The following NELL1 variants were observed in gnomAD, a reference collection of about 807,000 sequenced individuals.
The protein encoded by NELL1 is protein kinase C-binding protein NELL1.
In NELL1, 76 loss-of-function variants were observed where a neutral mutation model predicts 107.4. The observed-to-expected ratio is 0.71, with a 90% CI of 0.59 to 0.86. The LOEUF is 0.86. Ranked by LOEUF, NELL1 falls within the 40% of genes least tolerant of loss-of-function variation. NELL1 has a pLI of 0.00. For missense variants in NELL1, 1,024 were observed against 1,005.5 expected (o/e 1.02, Z -0.25); for synonymous variants, 353 against 341.2 (o/e 1.03, Z -0.38).
At position 20,863,339 on chromosome 11, in the gene NELL1, G is replaced by A. The variant is rs1029258441; in HGVS notation, c.506+15586G>A. On this transcript the variant is annotated intron_variant, in intron 4 of 19. Coordinates refer to ENST00000357134, the MANE Select transcript of NELL1 (RefSeq NM_006157.5). ...AGGGGCTGTTCTCCACCTCCCTCCC[G>A]GACGGGGCGGCTGGCCGGGCGGGGG... Among the ~76,000 whole-genome samples the A allele has an allele frequency of 8.7e-4, 59 of 68,062 alleles. 8 individuals are homozygous for A. The highest frequency in any genetic ancestry group is 1.9e-3 in the Non-Finnish European group (46 of 24,076). The allele number at this position is 68,062 out of a possible 152,430, so 44.7% of individuals were successfully genotyped here.
chr11:21,093,844 A>C (rs1854577905), intron 12 of NELL1, among the ~76,000 whole-genome samples: 1 of 152,108 alleles, frequency 6.6e-6, no homozygotes, highest in Admixed American at 6.6e-5. Flanking sequence ...TGGGTCCTTC[A>C]CACAACACAT....
At chr11:21,044,880 G>C (rs1037046130) in intron 12 of NELL1, among the ~76,000 whole-genome samples, 2 of 152,144 alleles carry the variant, frequency 1.3e-5, no homozygotes, top group African/African-American at 4.8e-5. Context: ...CAGAGATGGG[G>C]AAGAGGGGCT....
At chr11:21,143,625 T>C (rs1855915066) in intron 13 of NELL1, among the ~76,000 whole-genome samples, 1 of 152,176 alleles carries the variant, frequency 6.6e-6, no homozygotes, top group South Asian at 2.1e-4. Flanking sequence ...AACTATCCAT[T>C]GGCTGAATGA....
chr11:21,378,235 A>T (rs989214295), intron 15 of NELL1, among the ~76,000 whole-genome samples: 6 of 145,168 alleles, frequency 4.1e-5, no homozygotes, highest in African/African-American at 2.6e-5. Context: ...AGCATTTTAA[A>T]AAGTCTTTTT....
intron 15 of NELL1, among the ~76,000 whole-genome samples, chr11:21,401,462 G>T (rs2133797102): frequency 6.6e-6 from 1 of 151,934 alleles, no homozygotes; most frequent in Non-Finnish European, 1.5e-5. Context: ...AAGGGCATTT[G>T]GTATTTGTCC....
At chr11:21,094,646 A>C (rs1854598841) in intron 12 of NELL1, among the ~76,000 whole-genome samples, 1 of 152,170 alleles carries the variant, frequency 6.6e-6, no homozygotes, top group South Asian at 2.1e-4. Context: ...AGCAAGCTTA[A>C]CACCATGTGG....
At chr11:20,779,225 G>A (rs1856808938) in intron 2 of NELL1, among the ~76,000 whole-genome samples, 1 of 152,172 alleles carries the variant, frequency 6.6e-6, no homozygotes, top group African/African-American at 2.4e-5. Flanking sequence ...TGTCAATGAT[G>A]GGTGTTGGTT....
intron 12 of NELL1, among the ~76,000 whole-genome samples, chr11:21,047,742 G>A (rs779471187): frequency 6.6e-6 from 1 of 152,044 alleles, no homozygotes; most frequent in Non-Finnish European, 1.5e-5. Context: ...GACTTCAGAG[G>A]GCTAGTTTAG....
intron 15 of NELL1, among the ~76,000 whole-genome samples, chr11:21,502,149 T>C (rs1020135815): frequency 1.3e-5 from 2 of 152,158 alleles, no homozygotes; most frequent in African/African-American, 2.4e-5. Flanking sequence ...AGGTAAAAGA[T>C]TGTATGATTA....
intron 15 of NELL1, among the ~76,000 whole-genome samples, chr11:21,509,627 C>T (rs978905343): frequency 2.4e-4 from 37 of 152,058 alleles, no homozygotes; most frequent in African/African-American, 7.2e-4. Context: ...GGTAAAATTA[C>T]ACTATATGTT....
intron 13 of NELL1, among the ~76,000 whole-genome samples, chr11:21,125,351 A>G (rs73464411): frequency 0.022 from 3,338 of 152,262 alleles, 99 homozygotes; most frequent in African/African-American, 0.069. Context: ...TTTTTCTTGG[A>G]CTTTGAAAGA....
In NELL1 at chr11:21,285,815, A is replaced by C. The variant is rs1849103247; in HGVS notation, c.1549+56361A>C. Among the ~76,000 whole-genome samples, 3 of 152,262 alleles carry C rather than the reference A, an allele frequency of 2.0e-5. No individual in the cohort carries two copies. In the South Asian group the frequency reaches 6.2e-4, roughly 31 times the overall value. Reference sequence around the variant, plus strand: ...AACAAAACAAAAGAAAACAAAAAGCACTGAGCTAAATGTTTACTGTCACTT... The same window carrying C: ...AACAAAACAAAAGAAAACAAAAAGCCCTGAGCTAAATGTTTACTGTCACTT... On this transcript the variant is annotated intron_variant, in intron 14 of 19. Transcript: ENST00000357134.
intron 10 of NELL1, among the ~76,000 whole-genome samples, chr11:20,944,789 G>C (rs570191103): frequency 6.2e-4 from 94 of 152,190 alleles, no homozygotes; most frequent in African/African-American, 1.9e-3. Flanking sequence ...ATGCAAAAAG[G>C]TTTGTCTCCA....
At chr11:21,193,682 C>G (rs552113746) in intron 13 of NELL1, among the ~76,000 whole-genome samples, 1 of 151,812 alleles carries the variant, frequency 6.6e-6, no homozygotes, top group Non-Finnish European at 1.5e-5. Context: ...TGCAAAGTTA[C>G]CAAACACCAA....
chr11:20,807,128 C>A (rs1857401667), intron 3 of NELL1, among the ~76,000 whole-genome samples: 1 of 151,598 alleles, frequency 6.6e-6, no homozygotes, highest in African/African-American at 2.4e-5. Context: ...AGTTCCTGGG[C>A]ATTGAAGGTA....
intron 5 of NELL1, among the ~76,000 whole-genome samples, chr11:20,910,498 T>C (rs1217125982): frequency 1.3e-5 from 2 of 152,196 alleles, no homozygotes; most frequent in Admixed American, 1.3e-4. Flanking sequence ...CACCACAGTT[T>C]GAGAGTGTAG....
chr11:21,439,758 T>C (rs1451402733), intron 15 of NELL1, among the ~76,000 whole-genome samples: 2 of 152,154 alleles, frequency 1.3e-5, no homozygotes, highest in African/African-American at 2.4e-5. Flanking sequence ...AGTTTTCATC[T>C]ATTTAATTCT....
chr11:21,095,117 A>C (rs1854610127), intron 12 of NELL1, among the ~76,000 whole-genome samples: 1 of 152,090 alleles, frequency 6.6e-6, no homozygotes, highest in South Asian at 2.1e-4. Context: ...GATACCCTAA[A>C]TCATCTCTGT....
chr11:21,054,463 T>G (rs1014491142), intron 12 of NELL1, among the ~76,000 whole-genome samples: 7 of 152,066 alleles, frequency 4.6e-5, no homozygotes, highest in Non-Finnish European at 8.8e-5. Flanking sequence ...TTGGAATGGC[T>G]AAAGAAAATG....
Sources: gnomAD v4.1 joint callset for allele counts (sites outside exome capture counted in the v4.1 genomes callset) on GRCh38, gnomAD v4.1.1 for gene constraint, MANE v1.5 for transcripts, NCBI Gene and HGNC (gene_info 2026-07-23, HGNC 2026-07-21) for gene names.